AHR: variants seen among roughly 807,000 people sequenced by gnomAD.
AHR encodes the protein aryl hydrocarbon receptor.
A neutral mutation model predicts 86.8 loss-of-function variants in AHR; 40 were observed. The ratio of observed to expected loss-of-function variants is 0.46; its 90% confidence interval spans 0.36 to 0.60. The LOEUF (loss-of-function observed/expected upper bound fraction) is 0.60. Among genes scored for constraint, AHR ranks in the 20% least tolerant of loss-of-function variants. AHR has a pLI of 0.00. For synonymous variants in AHR, 398 were observed against 354.9 expected (o/e 1.12, Z -1.37); for missense variants, 1,001 against 1,011.6 (o/e 0.99, Z 0.14).
intron 2 of AHR, among the ~76,000 whole-genome samples, chr7:17,316,403 G>C (rs976588008): frequency 2.0e-5 from 3 of 152,158 alleles, no homozygotes; most frequent in Non-Finnish European, 4.4e-5. Context: ...AGGACTGCTT[G>C]AAAGCAGGAG....
chr7:17,318,356 G>A (rs1252389566), intron 2 of AHR, among the ~76,000 whole-genome samples: 2 of 152,070 alleles, frequency 1.3e-5, no homozygotes. Flanking sequence ...ATGCATGTGG[G>A]AATAAAACTT....
rs1039794946 is a variant in AHR, at chr7:17,312,155, C to A, written c.253+2032C>A. Among the ~76,000 whole-genome samples, 8 of 152,196 alleles carry A rather than the reference C, an allele frequency of 5.3e-5. No homozygotes were observed. In the East Asian group the frequency reaches 1.5e-3, roughly 29 times the overall value. On this transcript the variant is annotated intron_variant, in intron 2 of 10. Coordinates refer to ENST00000242057, the MANE Select transcript of AHR (RefSeq NM_001621.5). ...CACGGAATGCTGTCCTGATCCCTAG[C>A]ATTTACTCACATGCTGTGCTTAGTG...
intron 2 of AHR, among the ~76,000 whole-genome samples, chr7:17,317,116 G>GTTTTTTTT (rs66779121): frequency 1.9e-4 from 24 of 123,650 alleles, no homozygotes; most frequent in East Asian, 2.3e-4. Context: ...GGAGAATTTT[G>GTTTTTTTT]TTTTTTTTTT....
rs561872537 is a variant in AHR, at chr7:17,340,421, A to G, written c.2403+193A>G. Among the ~76,000 whole-genome samples, 89 of 151,496 alleles carry G rather than the reference A, an allele frequency of 5.9e-4. No homozygotes were observed. In the South Asian group the frequency reaches 6.9e-3, roughly 12 times the overall value. ...ACTTTTTCCAGTATGTTACTAATAT[A>G]TCATTCACCTGATTCATGAGGGAGA... On this transcript the variant is annotated intron_variant, in intron 10 of 10. Transcript: ENST00000242057.
rs943891182 is a variant in AHR at position 17,343,256 on chromosome 7, C to T, written c.*192C>T. ...GAGTTTAAAAATGGTATCAAAATTA[C>T]ATATACTACAGTCAAGATAGAAAGG... is the stretch of plus-strand genomic sequence containing the variant. On this transcript the variant is annotated 3_prime_UTR_variant, in exon 11 of 11. Transcript: ENST00000242057. 4.6e-6 allele frequency: 3 copies of T among 648,460 alleles called. No homozygotes were observed. Among genetic ancestry groups the T allele is most frequent in the East Asian group, 2.7e-5 (1 of 36,464 alleles). The allele number at this position is 648,460 out of a possible 1,614,324, so 40.2% of individuals were successfully genotyped here.
At chr7:17,307,181 ATTAG>A (rs1021486034) in intron 1 of AHR, among the ~76,000 whole-genome samples, 1 of 152,092 alleles carries the variant, frequency 6.6e-6, no homozygotes, top group African/African-American at 2.4e-5. Context: ...TTATGTTACT[ATTAG>A]TTCTCCCTGT....
rs1477565465 is a variant in AHR at position 17,340,211 on chromosome 7, C to G, written c.2386C>G (p.Gln796Glu). ...MQYNPVLPGQ[Q>E]AFLNKFQNGV... ...GTACAATCCAGTACTGCCAGGCCAACAGGCATTTTTAAACAAGGTAAGGGT... is the reference window on the plus strand; with the variant it reads ...GTACAATCCAGTACTGCCAGGCCAAGAGGCATTTTTAAACAAGGTAAGGGT... Residue 796 changes from glutamine to glutamate, a missense_variant, in exon 10 of 11, where the codon CAG becomes GAG. Transcript: ENST00000242057. 6.2e-7 allele frequency: 1 copy of G among 1,608,034 alleles called. No individual in the cohort carries two copies. Among genetic ancestry groups the G allele is most frequent in the Non-Finnish European group, 8.5e-7 (1 of 1,176,410 alleles).
chr7:17,312,075 A>G (rs1173789638), intron 2 of AHR, among the ~76,000 whole-genome samples: 1 of 152,206 alleles, frequency 6.6e-6, no homozygotes, highest in Non-Finnish European at 1.5e-5. Context: ...CTAGATGCAT[A>G]TTGAAGTTTA....
chr7:17,328,151 T>A (rs1266947840), intron 4 of AHR, among the ~76,000 whole-genome samples: 2 of 151,972 alleles, frequency 1.3e-5, no homozygotes, highest in Non-Finnish European at 2.9e-5. Context: ...ATCAAATAAC[T>A]TATGGATAGC....
intron 2 of AHR, among the ~76,000 whole-genome samples, chr7:17,311,349 T>C (rs1243545855): frequency 1.3e-5 from 2 of 152,154 alleles, no homozygotes; most frequent in African/African-American, 2.4e-5. Flanking sequence ...TTTAGGTGTG[T>C]CCCTAGATTT....
At chr7:17,313,304 T>C (rs1027125391) in intron 2 of AHR, among the ~76,000 whole-genome samples, 1 of 152,104 alleles carries the variant, frequency 6.6e-6, no homozygotes, top group African/African-American at 2.4e-5. Context: ...GATTTTTGTG[T>C]GCAGTTGGAC....
Position 17,339,977 on chromosome 7 carries a change from G to A in AHR, c.2152G>A (p.Asp718Asn), listed in dbSNP as rs765999735. 7.4e-6 allele frequency: 12 copies of A among 1,614,000 alleles called. No individual in the cohort carries two copies. In the African/African-American group the frequency reaches 1.2e-4, roughly 16 times the overall value. ...LPQHSKCTEL[D>N]YPMGSFEPSP... Reference sequence around the variant, plus strand: ...ACAACATTCCAAATGTACAGAGCTGGACTACCCTATGGGGAGTTTTGAACC... The same window carrying A: ...ACAACATTCCAAATGTACAGAGCTGAACTACCCTATGGGGAGTTTTGAACC... The change falls in exon 10 of 11, where the codon GAC (aspartate) becomes AAC (asparagine). Residue 718 changes from aspartate to asparagine, a missense_variant. Physicochemically the swap from Asp to Asn is conservative, Grantham distance 23. Around this residue, in one of 2 missense-constraint regions of AHR, gnomAD observed 607 missense variants for 543.1 expected, o/e 1.12. Transcript: ENST00000242057.
chr7:17,341,111 G>T (rs1782419138), intron 10 of AHR, among the ~76,000 whole-genome samples: 1 of 152,052 alleles, frequency 6.6e-6, no homozygotes, highest in East Asian at 1.9e-4. Flanking sequence ...TAGTTTTAAA[G>T]AATATCTTGA....
chr7:17,335,096 AT>A lies in AHR; in HGVS notation c.1018+101del, dbSNP rs1390759406. ...AATGTAAAGTGTTTAAGTAAAGTAT[AT>A]GGATAAACTTCTACTTAGTAACATA... is the stretch of plus-strand genomic sequence containing the variant. On this transcript the variant is annotated intron_variant, in intron 8 of 10. Transcript: ENST00000242057. 7.8e-6 allele frequency: 6 copies of A among 769,302 alleles called. No individual in the cohort carries two copies. The Admixed American group carries it at 1.2e-4, about 15-fold the overall frequency. 47.7% of individuals were successfully genotyped at this position (769,302 alleles called of 1,614,324 possible). A position where few individuals can be genotyped will look rare whatever the true frequency, so the allele number is the denominator to read the frequency against.
chr7:17,323,242 A>G, intron 3 of AHR, among the ~76,000 whole-genome samples: 1 of 152,118 alleles, frequency 6.6e-6, no homozygotes, highest in East Asian at 1.9e-4. Flanking sequence ...TTTTTATGGA[A>G]TGTATCTCTA....
Position 17,298,956 on chromosome 7 carries a change from G to C in AHR, c.-309G>C, listed in dbSNP as rs572265079. 1 of 440,964 alleles carries C rather than the reference G, an allele frequency of 2.3e-6. No homozygotes were observed. Among genetic ancestry groups the C allele is most frequent in the African/African-American group, 2.1e-5 (1 of 48,710 alleles). The allele number at this position is 440,964 out of a possible 1,614,324, so 27.3% of individuals were successfully genotyped here. ...TCCGCCCGGGCCGCCTCACCTGCGG[G>C]CATTGCCGCGCCGCCTCCGCCGGTG... is the stretch of plus-strand genomic sequence containing the variant. On this transcript the variant is annotated 5_prime_UTR_variant, in exon 1 of 11. Coordinates refer to ENST00000242057, the MANE Select transcript of AHR (RefSeq NM_001621.5).
chr7:17,308,664 G>A (rs1046374717), intron 1 of AHR, among the ~76,000 whole-genome samples: 1 of 151,256 alleles, frequency 6.6e-6, no homozygotes, highest in African/African-American at 2.4e-5. Context: ...CAGTTGTACA[G>A]ACAACCTGGA....
chr7:17,327,370 A>G (rs988444564), intron 3 of AHR, among the ~76,000 whole-genome samples: 13 of 152,118 alleles, frequency 8.5e-5, no homozygotes, highest in African/African-American at 3.1e-4. Context: ...TAATGTTCCC[A>G]GTTTAAGAAT....
intron 1 of AHR, 47 bp downstream of exon 1, chr7:17,299,376 C>A: frequency 6.3e-7 from 1 of 1,598,208 alleles, no homozygotes; most frequent in Non-Finnish European, 8.5e-7. Context: ...GGCGCTCAGG[C>A]ACGCGGGTGC....
Sources: gnomAD v4.1 joint callset for allele counts (sites outside exome capture counted in the v4.1 genomes callset) on GRCh38, gnomAD v4.1.1 for gene constraint, gnomAD v4.1.1 regional missense constraint, MANE v1.5 for transcripts, NCBI Gene and HGNC (gene_info 2026-07-23, HGNC 2026-07-21) for gene names.